POLE: variants seen among roughly 807,000 people sequenced by gnomAD.
POLE encodes the protein DNA polymerase epsilon, catalytic subunit, also known as DNA polymerase epsilon catalytic subunit A.
POLE carries 188 observed loss-of-function variants against 279.2 expected under a neutral mutation model. The observed-to-expected ratio is 0.67, with a 90% CI of 0.60 to 0.76. The LOEUF (loss-of-function observed/expected upper bound fraction) is 0.76, where lower values mean the gene tolerates loss of function less well. Among genes scored for constraint, POLE ranks in the 30% least tolerant of loss-of-function variants. The probability of loss-of-function intolerance (pLI) is 0.00; values close to 1 mark genes in which losing one functional copy is unlikely to be tolerated. For missense variants in POLE, 2,703 were observed against 3,016.7 expected, an observed-to-expected ratio of 0.90 and a Z score of 2.44; for synonymous variants, 1,214 against 1,172.5, an observed-to-expected ratio of 1.04 and a Z score of -0.72.
At position 132,664,091 on chromosome 12, in the gene POLE, T is replaced by C. The variant is rs2135956911; in HGVS notation, c.2619A>G (p.Pro873=). Residue 873 remains proline (P), a synonymous_variant, in exon 23 of 49, where the codon CCA becomes CCG. Coordinates refer to ENST00000320574, the MANE Select transcript of POLE (RefSeq NM_006231.4). This position sits in a 1 kb window ranked among gnomAD's most constrained non-coding sequence, Gnocchi z 5.3. Reference sequence around the variant, plus strand: ...TGGTCGTCTTGAAGACAAAATTTTCTGGGAAGCTGTTGGGCAGGACGCACC... The same window carrying C: ...TGGTCGTCTTGAAGACAAAATTTTCCGGGAAGCTGTTGGGCAGGACGCACC... ...GIWCVLPNSF[P]ENFVFKTTNV... is the part of the protein sequence containing the mutation. 1.2e-6 allele frequency: 2 copies of C among 1,614,220 alleles called. No individual in the cohort carries two copies. The highest frequency in any genetic ancestry group is 1.7e-6 in the Non-Finnish European group (2 of 1,180,028).
rs1486192402 is a variant in POLE at position 132,643,906 on chromosome 12, G to A, written c.4221C>T (p.Tyr1407=). The change falls in exon 33 of 49, where the codon TAC becomes TAT. Residue 1407 remains tyrosine, a synonymous_variant. Coordinates refer to ENST00000320574, the MANE Select transcript of POLE (RefSeq NM_006231.4). Reference sequence around the variant, plus strand: ...CGTTGATCTCGTTGATGTGTTCCTGGTACATGTCCTCTGGCACTGAATACT... The same window carrying A: ...CGTTGATCTCGTTGATGTGTTCCTGATACATGTCCTCTGGCACTGAATACT... ...LYEYSVPEDM[Y]QEHINEINAE... 3.1e-6 allele frequency: 5 copies of A among 1,613,934 alleles called. No homozygotes were observed. In the African/African-American group the frequency reaches 6.7e-5, roughly 22 times the overall value.
chr12:132,669,787 G>A (rs1394656108), intron 16 of POLE, among the ~76,000 whole-genome samples: 1 of 152,202 alleles, frequency 6.6e-6, no homozygotes, highest in African/African-American at 2.4e-5. Flanking sequence ...GCCCCACGTG[G>A]CTGTGAGCCC....
chr12:132,649,554 G>A (rs2042371130), intron 30 of POLE, 39 bp from the exon 31 acceptor site: 2 of 1,603,562 alleles, frequency 1.2e-6, no homozygotes, highest in South Asian at 2.2e-5. Flanking sequence ...TGCAAGTGGT[G>A]AGATGGGAAT....
chr12:132,656,428 G>A (rs1382418740), intron 29 of POLE, among the ~76,000 whole-genome samples: 4 of 151,376 alleles, frequency 2.6e-5, no homozygotes, highest in East Asian at 2.0e-4. Context: ...GCGTGATCTC[G>A]GCTCACTGCA....
rs762552065 is a variant in POLE, at chr12:132,667,639, C to T, written c.2183G>A (p.Arg728Gln). The part of the protein sequence containing the change: ...YEKRRLADYC[R>Q]KAYKKIHITK... The stretch of plus-strand genomic sequence containing the variant: ...GATGTGGATCTTCTTGTAGGCTTTC[C>T]GGCAGTAATCTAAGCACGACGGAGA... The change falls in exon 20 of 49, where the codon CGG becomes CAG. Residue 728 changes from arginine to glutamine, a missense_variant. Arg to Gln is a conservative substitution (Grantham distance 43, BLOSUM62 1). Transcript: ENST00000320574. The T allele has an allele frequency of 1.5e-5, 24 of 1,613,956 alleles. No individual in the cohort carries two copies. The South Asian group carries it at 1.6e-4, about 11-fold the overall frequency.
In POLE at chr12:132,639,450, A is replaced by C. The variant is rs1470909485; in HGVS notation, c.5379-152T>G. 1 of 653,992 alleles carries C rather than the reference A, an allele frequency of 1.5e-6. No individual in the cohort carries two copies. The highest frequency in any genetic ancestry group is 1.8e-5 in the African/African-American group (1 of 55,048). The allele number at this position is 653,992 out of a possible 1,614,324, so 40.5% of individuals were successfully genotyped here. On this transcript the variant is annotated intron_variant, in intron 39 of 48. Coordinates refer to ENST00000320574, the MANE Select transcript of POLE (RefSeq NM_006231.4). The surrounding 1 kb of genome is among the most constrained non-coding windows in gnomAD (Gnocchi z 4.7). ...TCCCCTTCTCACTGTCCCCACCTTA[A>C]GTCACGGTCCAAATTTCATCCCTTC... is the stretch of plus-strand genomic sequence containing the variant.
At chr12:132,682,124 C>G (rs1234827553) in intron 1 of POLE, among the ~76,000 whole-genome samples, 1 of 152,032 alleles carries the variant, frequency 6.6e-6, no homozygotes, top group Non-Finnish European at 1.5e-5. Context: ...GAAACCCCGT[C>G]TTTACTAAAA....
rs1555230086 is a variant in POLE at position 132,679,568 on chromosome 12, C to T, written c.507G>A (p.Glu169=). 6.2e-7 allele frequency: 1 copy of T among 1,614,142 alleles called. No homozygotes were observed. Among genetic ancestry groups the T allele is most frequent in the Non-Finnish European group, 8.5e-7 (1 of 1,179,970 alleles). ...TGTTCTTCTTCACGGCAGGGGAGAT[C>T]TCCTTCCTCACTTTGACAAGATCCT... ...TVEDLVKVRK[E]ISPAVKKNRE... The change falls in exon 6 of 49, where the codon GAG becomes GAA. Residue 169 remains glutamate, a synonymous_variant. Coordinates refer to ENST00000320574, the MANE Select transcript of POLE (RefSeq NM_006231.4).
Position 132,648,933 on chromosome 12 carries a change from C to G in POLE, c.4145G>C (p.Arg1382Pro), listed in dbSNP as rs143229302. The G allele has an allele frequency of 6.2e-7, 1 of 1,611,332 alleles. No individual in the cohort carries two copies. Reference sequence around the variant, plus strand: ...GCAGCACCAGCTCCTCCCTACCTTGCGATACGAAGCACCCTCCTCCGCTTT... The same window carrying G: ...GCAGCACCAGCTCCTCCCTACCTTGGGATACGAAGCACCCTCCTCCGCTTT... Reference protein sequence around the residue: ...VAKAEEGASYRKVNRVLPRSN... With the variant: ...VAKAEEGASYPKVNRVLPRSN... Residue 1382 changes from arginine to proline, a missense_variant, in exon 32 of 49, where the codon CGC (arginine) becomes CCC (proline). Around this residue, in one of 5 missense-constraint regions of POLE, gnomAD observed 1,551 missense variants for 1,686.1 expected, o/e 0.92. Coordinates refer to ENST00000320574, the MANE Select transcript of POLE (RefSeq NM_006231.4).
Position 132,668,662 on chromosome 12 carries a change from T to G in POLE, c.1999A>C (p.Met667Leu), listed in dbSNP as rs1418383181. The change falls in exon 18 of 49, where the codon ATG (methionine) becomes CTG (leucine). Residue 667 changes from methionine to leucine, a missense_variant. Met to Leu is a conservative substitution (Grantham distance 15). Around this residue, in one of 5 missense-constraint regions of POLE, gnomAD observed 1,011 missense variants for 1,111.7 expected, o/e 0.91. Coordinates refer to ENST00000320574, the MANE Select transcript of POLE (RefSeq NM_006231.4). The surrounding 1 kb of genome is among the most constrained non-coding windows in gnomAD (Gnocchi z 4.0). ...AACTCGCCCCTCCACTGCCAGGCCA[T>G]CTTCCGCTGGCAGTTTGCTCCAGGC... ...NKPGANCQRK[M>L]AWQWRGEFMP... The G allele has an allele frequency of 2.7e-5, 43 of 1,613,246 alleles. No homozygotes were observed. Among genetic ancestry groups the G allele is most frequent in the Non-Finnish European group, 3.6e-5 (43 of 1,179,426 alleles).
chr12:132,685,988 G>C (rs1303013030), intron 1 of POLE, among the ~76,000 whole-genome samples: 1 of 151,926 alleles, frequency 6.6e-6, no homozygotes, highest in Non-Finnish European at 1.5e-5. Flanking sequence ...TGATTCTCCT[G>C]CCTCAGCCTC....
At position 132,675,773 on chromosome 12, in the gene POLE, G is replaced by A. The variant is rs1304186498; in HGVS notation, c.1068C>T (p.Pro356=). 1 of 1,614,146 alleles carries A rather than the reference G, an allele frequency of 6.2e-7. No individual in the cohort carries two copies. Among genetic ancestry groups the A allele is most frequent in the Admixed American group, 1.7e-5 (1 of 60,034 alleles). Residue 356 remains proline (P), a synonymous_variant, in exon 11 of 49, where the codon CCC becomes CCT. Coordinates refer to ENST00000320574, the MANE Select transcript of POLE (RefSeq NM_006231.4). This position sits in a 1 kb window ranked among gnomAD's most constrained non-coding sequence, Gnocchi z 4.3. ...CCCCGTTGTAGGTGACCATGATGGT[G>A]GGTTTGGTCTCCTGGACGTGTTCAA... ...RWFEHVQETK[P]TIMVTYNGDF...
At position 132,649,778 on chromosome 12, in the gene POLE, T is replaced by C. The variant is rs748763589; in HGVS notation, c.3694A>G (p.Lys1232Glu). 1.9e-6 allele frequency: 3 copies of C among 1,614,138 alleles called. No individual in the cohort carries two copies. The highest frequency in any genetic ancestry group is 2.5e-6 in the Non-Finnish European group (3 of 1,180,018). The change falls in exon 30 of 49, where the codon AAG becomes GAG. Residue 1232 changes from lysine to glutamate, a missense_variant. Coordinates refer to ENST00000320574, the MANE Select transcript of POLE (RefSeq NM_006231.4). ...TCCTGGCTCTCCCAAAGAACTCGCT[T>C]CCTCTTCACAGTGACAGGGGCTGCT... The part of the protein sequence containing the change: ...HPAAPVTVKR[K>E]RVLWESQEES...
At chr12:132,644,243 C>G (rs748228098) in intron 32 of POLE, among the ~76,000 whole-genome samples, 1 of 152,048 alleles carries the variant, frequency 6.6e-6, no homozygotes, top group African/African-American at 2.4e-5. Flanking sequence ...CTCACTGCAG[C>G]CTCCAACTCC....
chr12:132,625,473 A>G (rs1240923301), intron 47 of POLE, 172 bp downstream of exon 47: 1 of 871,834 alleles, frequency 1.1e-6, no homozygotes, highest in East Asian at 2.4e-5. Context: ...GTGCTCAACC[A>G]GTGTGGACAG....
At chr12:132,655,628 T>C (rs1300608950) in intron 29 of POLE, among the ~76,000 whole-genome samples, 1 of 152,224 alleles carries the variant, frequency 6.6e-6, no homozygotes, top group Non-Finnish European at 1.5e-5. Flanking sequence ...AGGTAAATGT[T>C]TACATTATTT....
Position 132,639,374 on chromosome 12 carries a change from A to G in POLE, c.5379-76T>C. On this transcript the variant is annotated intron_variant, in intron 39 of 48. Transcript: ENST00000320574. The surrounding 1 kb of genome is among the most constrained non-coding windows in gnomAD (Gnocchi z 4.7). The stretch of plus-strand genomic sequence containing the variant: ...TGCCACGCGGGACGCTCCAACTGAA[A>G]TGGGCACAGGTTTTCCCTACACGGC... The G allele has an allele frequency of 7.1e-7, 1 of 1,409,070 alleles. No individual in the cohort carries two copies. Among genetic ancestry groups the G allele is most frequent in the South Asian group, 1.3e-5 (1 of 78,644 alleles). The allele number at this position is 1,409,070 out of a possible 1,614,324, so 87.3% of individuals were successfully genotyped here.
intron 3 of POLE, 168 bp downstream of exon 3, chr12:132,680,439 C>T (rs976657077): frequency 3.1e-5 from 21 of 668,090 alleles, no homozygotes; most frequent in African/African-American, 5.4e-5. Context: ...CTGAACTGAC[C>T]TCTCTCAGGA....
At position 132,659,513 on chromosome 12, in the gene POLE, G is replaced by C. The variant is rs201517516; in HGVS notation, c.3061-4C>G. On this transcript the variant is annotated splice_region_variant and splice_polypyrimidine_tract_variant and intron_variant, in intron 25 of 48. Transcript: ENST00000320574. ...CAGAGTCAGGCATGTTGGCTGCCTAGAGAAAGACAATGGGTAAAACACTGC... is the reference window on the plus strand; with the variant it reads ...CAGAGTCAGGCATGTTGGCTGCCTACAGAAAGACAATGGGTAAAACACTGC... 6.2e-6 allele frequency: 10 copies of C among 1,612,850 alleles called. No individual in the cohort carries two copies. The Middle Eastern group carries it at 5.0e-4, about 80-fold the overall frequency.
Sources: gnomAD v4.1 joint callset for allele counts (sites outside exome capture counted in the v4.1 genomes callset) on GRCh38, gnomAD v4.1.1 for gene constraint, gnomAD v4.1.1 regional missense constraint, Gnocchi (gnomAD v3.1) non-coding constraint, MANE v1.5 for transcripts, NCBI Gene and HGNC (gene_info 2026-07-23, HGNC 2026-07-21) for gene names.